The following IGF1R variants were observed in gnomAD, a reference collection of about 807,000 sequenced individuals.
The protein encoded by IGF1R is insulin like growth factor 1 receptor, also known as insulin-like growth factor 1 receptor.
In IGF1R, 44 loss-of-function variants were observed where a neutral mutation model predicts 144.6. The ratio of observed to expected loss-of-function variants is 0.30; its 90% CI spans 0.24 to 0.39. IGF1R has a LOEUF of 0.39. IGF1R is among the 10% of genes least tolerant of loss of function. IGF1R has a pLI of 1.00. For synonymous variants in IGF1R, 795 were observed against 722.8 expected, an observed-to-expected ratio of 1.10 and a Z score of -1.60; for missense variants, 1,355 against 1,833.7, an observed-to-expected ratio of 0.74 and a Z score of 4.77.
At chr15:98,803,145 C>T (rs538040739) in intron 2 of IGF1R, among the ~76,000 whole-genome samples, 7 of 152,240 alleles carry the variant, frequency 4.6e-5, no homozygotes, top group African/African-American at 1.7e-4. Flanking sequence ...ATCATTATGC[C>T]AGCATCATAC....
rs936819127 is a variant in IGF1R at position 98,963,345 on chromosome 15, A to T, written c.*5903A>T. The T allele has an allele frequency of 2.1e-5, 5 of 233,490 alleles. No individual in the cohort carries two copies. The highest frequency in any genetic ancestry group is 4.2e-5 in the Non-Finnish European group (5 of 118,054). 14.5% of individuals were successfully genotyped at this position (233,490 alleles called of 1,614,324 possible). On this transcript the variant is annotated 3_prime_UTR_variant, in exon 21 of 21. Transcript: ENST00000650285. Reference sequence around the variant, plus strand: ...TGCTTTTTGCCCTAGTTTATAACAAAGGAATGATGATGATTTAAAAAGTAG... The same window carrying T: ...TGCTTTTTGCCCTAGTTTATAACAATGGAATGATGATGATTTAAAAAGTAG...
At chr15:98,916,626 A>G in intron 9 of IGF1R, 46 bp from the exon 10 acceptor site, 1 of 1,510,768 alleles carries the variant, frequency 6.6e-7, no homozygotes. Flanking sequence ...AGCATGTATA[A>G]CGGCTTTCAT....
rs747046726 is a variant in IGF1R, at chr15:98,649,619, T to A, written c.38T>A (p.Leu13Gln). The A allele has an allele frequency of 1.2e-6, 2 of 1,603,076 alleles. No individual in the cohort carries two copies. The highest frequency in any genetic ancestry group is 4.5e-5 in the East Asian group (2 of 44,044). The change falls in exon 1 of 21, where the codon CTG (leucine) becomes CAG (glutamine). Residue 13 changes from leucine to glutamine, a missense_variant. By Grantham distance (113) the Leu-to-Gln change is moderately radical. Around this residue, in one of 7 missense-constraint regions of IGF1R, gnomAD observed 49 missense variants for 34.7 expected, o/e 1.41. Transcript: ENST00000650285. ...SGSGGGSPTS[L>Q]WGLLFLSAAL... ...TCCGGAGGAGGGTCCCCGACCTCGCTGTGGGGGCTCCTGTTTCTCTCCGCC... is the reference window on the plus strand; with the variant it reads ...TCCGGAGGAGGGTCCCCGACCTCGCAGTGGGGGCTCCTGTTTCTCTCCGCC...
At chr15:98,895,835 T>A (rs952624483) in intron 3 of IGF1R, among the ~76,000 whole-genome samples, 2 of 152,192 alleles carry the variant, frequency 1.3e-5, no homozygotes, top group Admixed American at 1.3e-4. Context: ...ATATAATGGC[T>A]CCCCAGCTTA....
At chr15:98,723,298 CTT>C (rs1156968912) in intron 2 of IGF1R, among the ~76,000 whole-genome samples, 4 of 152,138 alleles carry the variant, frequency 2.6e-5, no homozygotes, top group African/African-American at 4.8e-5. Flanking sequence ...AGACGTTCTT[CTT>C]CTCTCCTTGT....
intron 2 of IGF1R, among the ~76,000 whole-genome samples, chr15:98,842,470 T>C (rs2011191265): frequency 6.6e-6 from 1 of 152,234 alleles, no homozygotes; most frequent in African/African-American, 2.4e-5. Context: ...CCTGGGGCTC[T>C]AGACTTAAGG....
chr15:98,726,455 C>G (rs2054362092), intron 2 of IGF1R, among the ~76,000 whole-genome samples: 1 of 152,058 alleles, frequency 6.6e-6, no homozygotes, highest in Non-Finnish European at 1.5e-5. Context: ...GAGTTTTTGT[C>G]CACATCTGCC....
intron 2 of IGF1R, among the ~76,000 whole-genome samples, chr15:98,884,701 A>AAG (rs2035159837): frequency 1.3e-5 from 2 of 151,506 alleles, no homozygotes; most frequent in Non-Finnish European, 2.9e-5. Context: ...AAAAAAAAAA[A>AAG]AAAGAAATTC....
intron 7 of IGF1R, 150 bp downstream of exon 7, chr15:98,911,591 T>C: frequency 9.9e-7 from 1 of 1,012,792 alleles, no homozygotes; most frequent in Non-Finnish European, 1.5e-6. Context: ...TTCATCCTCA[T>C]GCACCCTCTC....
Position 98,957,957 on chromosome 15 carries a change from T to G in IGF1R, c.*515T>G, listed in dbSNP as rs1313158728. On this transcript the variant is annotated 3_prime_UTR_variant, in exon 21 of 21. Coordinates refer to ENST00000650285, the MANE Select transcript of IGF1R (RefSeq NM_000875.5). Reference sequence around the variant, plus strand: ...AAATTTTTACCTTTATCTTTCACCTTTCTAGGGACATGAAATTTACAAAGG... The same window carrying G: ...AAATTTTTACCTTTATCTTTCACCTGTCTAGGGACATGAAATTTACAAAGG... The G allele has an allele frequency of 4.2e-6, 1 of 237,066 alleles. No individual in the cohort carries two copies. Among genetic ancestry groups the G allele is most frequent in the Non-Finnish European group, 8.3e-6 (1 of 120,410 alleles). The allele number at this position is 237,066 out of a possible 1,614,324, so 14.7% of individuals were successfully genotyped here. A position where few individuals can be genotyped will look rare whatever the true frequency, so the allele number is the denominator to read the frequency against.
At chr15:98,830,843 A>C (rs57107909) in intron 2 of IGF1R, among the ~76,000 whole-genome samples, 5,561 of 152,192 alleles carry the variant, frequency 0.037, 164 homozygotes, top group East Asian at 0.15. Context: ...ACCTCAGGTG[A>C]TCCCCCCACC....
chr15:98,936,292 G>C (rs1043271506), intron 17 of IGF1R, among the ~76,000 whole-genome samples: 22 of 152,154 alleles, frequency 1.4e-4, no homozygotes, highest in African/African-American at 5.1e-4. Flanking sequence ...TTCTAAACCT[G>C]CTAAAGTCCT....
intron 2 of IGF1R, among the ~76,000 whole-genome samples, chr15:98,831,993 G>A (rs531744016): frequency 6.6e-5 from 10 of 152,194 alleles, no homozygotes; most frequent in South Asian, 6.2e-4. Context: ...ATGAGGAAGG[G>A]GGGTCAGGGA....
At chr15:98,676,255 A>T (rs1303041793) in intron 1 of IGF1R, among the ~76,000 whole-genome samples, 1 of 151,958 alleles carries the variant, frequency 6.6e-6, no homozygotes, top group Non-Finnish European at 1.5e-5. Flanking sequence ...ATTCTGCCTC[A>T]ACCTCTCGAG....
At position 98,963,294 on chromosome 15, in the gene IGF1R, C is replaced by T; in HGVS notation, c.*5852C>T. On this transcript the variant is annotated 3_prime_UTR_variant, in exon 21 of 21. Transcript: ENST00000650285. ...AAAAAGGATTTCTCCCTGACCCCAT[C>T]CGTGGTTCACCCTCTTTTCCCCCCA... 4.3e-6 allele frequency: 1 copy of T among 232,912 alleles called. No individual in the cohort carries two copies. Among genetic ancestry groups the T allele is most frequent in the Non-Finnish European group, 8.5e-6 (1 of 117,922 alleles). 14.4% of individuals were successfully genotyped at this position (232,912 alleles called of 1,614,324 possible). A position where few individuals can be genotyped will look rare whatever the true frequency, so the allele number is the denominator to read the frequency against.
chr15:98,915,204 T>C (rs1044910567), intron 8 of IGF1R, among the ~76,000 whole-genome samples: 3 of 152,220 alleles, frequency 2.0e-5, no homozygotes, highest in African/African-American at 7.2e-5. Context: ...ACTTCAGCTC[T>C]GGGTTTCAGT....
chr15:98,759,665 C>G (rs2055244037), intron 2 of IGF1R, among the ~76,000 whole-genome samples: 2 of 152,106 alleles, frequency 1.3e-5, no homozygotes, highest in South Asian at 4.1e-4. Flanking sequence ...AATTTATTTT[C>G]AAGTTTTGTA....
At position 98,902,322 on chromosome 15, in the gene IGF1R, G is replaced by T. The variant is rs572752039; in HGVS notation, c.1247+2701G>T. Among the ~76,000 whole-genome samples the T allele has an allele frequency of 6.6e-5, 10 of 150,962 alleles. No individual in the cohort carries two copies. In the South Asian group the frequency reaches 1.0e-3, roughly 16 times the overall value. On this transcript the variant is annotated intron_variant, in intron 5 of 20. Coordinates refer to ENST00000650285, the MANE Select transcript of IGF1R (RefSeq NM_000875.5). ...GTGCATATCACAAAGCACTTTGACG[G>T]TTTTTTTTCCTAAATATTTTCCCCT...
Position 98,953,774 on chromosome 15 carries a change from T to C in IGF1R, c.3723-3287T>C, listed in dbSNP as rs139126099. ...CTCATAGATGAGTCTGAAACAAACT[T>C]AGTGAAATCTGATGTTTTTTGTAGT... On this transcript the variant is annotated intron_variant, in intron 20 of 20. Coordinates refer to ENST00000650285, the MANE Select transcript of IGF1R (RefSeq NM_000875.5). Among the ~76,000 whole-genome samples, 324 of 152,310 alleles carry C rather than the reference T, an allele frequency of 2.1e-3. 3 individuals are homozygous for C. Among genetic ancestry groups the C allele is most frequent in the African/African-American group, 7.6e-3 (314 of 41,560 alleles).
Sources: gnomAD v4.1 joint callset for allele counts (sites outside exome capture counted in the v4.1 genomes callset) on GRCh38, gnomAD v4.1.1 for gene constraint, gnomAD v4.1.1 regional missense constraint, MANE v1.5 for transcripts, NCBI Gene and HGNC (gene_info 2026-07-23, HGNC 2026-07-21) for gene names.